The following FBXL17 variants were observed in gnomAD, a reference collection of about 807,000 sequenced individuals.
The protein encoded by FBXL17 is F-box and leucine rich repeat protein 17.
In FBXL17, 22 loss-of-function variants were observed where a neutral mutation model predicts 66.2. The observed-to-expected ratio is 0.33, with a 90% confidence interval of 0.24 to 0.47. The LOEUF (loss-of-function observed/expected upper bound fraction) is 0.47. FBXL17 is among the 20% of genes least tolerant of loss of function. The pLI, the probability that FBXL17 is intolerant of heterozygous loss-of-function variation, is 1.00. For missense variants in FBXL17, 878 were observed against 948.2 expected (o/e 0.93, Z 0.97); for synonymous variants, 474 against 400.5 (o/e 1.18, Z -2.19).
chr5:108,325,916 ACT>A (rs1468474605), intron 4 of FBXL17, among the ~76,000 whole-genome samples: 1 of 152,070 alleles, frequency 6.6e-6, no homozygotes, highest in Non-Finnish European at 1.5e-5. Flanking sequence ...AAACCAAAAG[ACT>A]CTACTCATTC....
Position 108,055,301 on chromosome 5 carries a change from AAAAAAAAAAAAAG to A in FBXL17, c.1746-34313_1746-34301del, listed in dbSNP as rs1561388219. ...TTTAGAAAAAAAAAAAAAAAAAAAAAAAAAAAAAAAAAGAAAAACGCTTCAGGCCGGGCACGGT... is the reference window on the plus strand; with the variant it reads ...TTTAGAAAAAAAAAAAAAAAAAAAAAAAAAACGCTTCAGGCCGGGCACGGT... On this transcript the variant is annotated intron_variant, in intron 6 of 8. Transcript: ENST00000542267. Among the ~76,000 whole-genome samples the A allele has an allele frequency of 3.6e-3, 123 of 34,274 alleles. 3 individuals carry two copies. Among genetic ancestry groups the A allele is most frequent in the African/African-American group, 0.019 (120 of 6,244 alleles). 22.5% of individuals were successfully genotyped at this position (34,274 alleles called of 152,430 possible).
rs138977765 is a variant in FBXL17, at chr5:107,886,217, G to A, written c.1823-5038C>T. 5.3e-3 allele frequency among the ~76,000 whole-genome samples: 808 copies of A among 152,266 alleles called. 28 individuals carry two copies. The highest frequency in any genetic ancestry group is 0.047 in the Admixed American group (721 of 15,290). Reference sequence around the variant, plus strand: ...TAACTACTCTGTGTAATCTAGGATTGTAAATAATGACAGCTAGTGTTTTCA... The same window carrying A: ...TAACTACTCTGTGTAATCTAGGATTATAAATAATGACAGCTAGTGTTTTCA... On this transcript the variant is annotated intron_variant, in intron 7 of 8. Transcript: ENST00000542267.
In FBXL17 at chr5:107,887,847, C is replaced by T. The variant is rs144367661; in HGVS notation, c.1823-6668G>A. ...TAAAAGTTTCTGTGATCCTGATGTG[C>T]AGCTAGGGCTGAGAACCACTGGAAC... On this transcript the variant is annotated intron_variant, in intron 7 of 8. Transcript: ENST00000542267. Among the ~76,000 whole-genome samples, 720 of 152,262 alleles carry T rather than the reference C, an allele frequency of 4.7e-3. 4 individuals are homozygous for T. The highest frequency in any genetic ancestry group is 0.014 in the African/African-American group (602 of 41,556).
chr5:108,174,893 C>T (rs1752736219), intron 6 of FBXL17, among the ~76,000 whole-genome samples: 1 of 151,988 alleles, frequency 6.6e-6, no homozygotes, highest in Non-Finnish European at 1.5e-5. Context: ...GGGCAAAATG[C>T]ACTGATTGAA....
In FBXL17 at chr5:107,959,737, G is replaced by T. The variant is rs982749621; in HGVS notation, c.1822+61188C>A. ...ACAGTTTTCAGGTCTTTTCCAACCT[G>T]GCCTTGATTGACACAGAATAGGGCT... On this transcript the variant is annotated intron_variant, in intron 7 of 8. Transcript: ENST00000542267. Among the ~76,000 whole-genome samples, 5 of 152,124 alleles carry T rather than the reference G, an allele frequency of 3.3e-5. No homozygotes were observed. In the East Asian group the frequency reaches 7.7e-4, roughly 23 times the overall value.
chr5:107,980,664 A>ATATATATATATATATATATATATTTT lies in FBXL17; in HGVS notation c.1822+40260_1822+40261insAAAATATATATATATATATATATATA. Among the ~76,000 whole-genome samples the ATATATATATATATATATATATATTTT allele has an allele frequency of 4.2e-4, 26 of 62,022 alleles. No individual in the cohort carries two copies. In the East Asian group the frequency reaches 4.2e-3, roughly 10 times the overall value. The allele number at this position is 62,022 out of a possible 152,430, so 40.7% of individuals were successfully genotyped here. On this transcript the variant is annotated intron_variant, in intron 7 of 8. Transcript: ENST00000542267. ...TAAAATAATATATATATATATATAT[A>ATATATATATATATATATATATATTTT]TTTTTTTTTTGAGATGGAGTCTTGC... is the stretch of plus-strand genomic sequence containing the variant.
At chr5:108,307,448 T>C (rs753924819) in intron 4 of FBXL17, among the ~76,000 whole-genome samples, 26 of 151,982 alleles carry the variant, frequency 1.7e-4, no homozygotes, top group Non-Finnish European at 3.1e-4. Flanking sequence ...TTGGGACTAC[T>C]GGCATGTGTC....
intron 4 of FBXL17, among the ~76,000 whole-genome samples, chr5:108,255,595 C>T (rs1006403933): frequency 1.3e-5 from 2 of 152,100 alleles, no homozygotes; most frequent in African/African-American, 4.8e-5. Flanking sequence ...TCTCAGGAGT[C>T]CTCTGGGCTT....
At chr5:107,942,556 G>A (rs1376989156) in intron 7 of FBXL17, among the ~76,000 whole-genome samples, 5 of 152,086 alleles carry the variant, frequency 3.3e-5, no homozygotes, top group Admixed American at 2.6e-4. Context: ...TTCCAAGGGA[G>A]AGAACCAGGA....
chr5:108,224,324 T>C (rs1466960400), intron 4 of FBXL17, 96 bp from the exon 5 acceptor site: 1 of 566,996 alleles, frequency 1.8e-6, no homozygotes, highest in Non-Finnish European at 3.2e-6. Context: ...CCTTGCATCA[T>C]TACTATTTCC....
chr5:108,138,935 G>T (rs761768959), intron 6 of FBXL17, among the ~76,000 whole-genome samples: 1 of 152,098 alleles, frequency 6.6e-6, no homozygotes, highest in African/African-American at 2.4e-5. Context: ...ACTAAACTTG[G>T]GTAAGAATTG....
chr5:108,037,983 A>C (rs776198216), intron 6 of FBXL17, among the ~76,000 whole-genome samples: 2 of 152,202 alleles, frequency 1.3e-5, no homozygotes, highest in Non-Finnish European at 2.9e-5. Flanking sequence ...GGAAGGAGGC[A>C]AGCAGCAAAA....
intron 6 of FBXL17, among the ~76,000 whole-genome samples, chr5:108,066,856 A>G (rs1221977853): frequency 6.6e-6 from 1 of 152,034 alleles, no homozygotes; most frequent in East Asian, 1.9e-4. Context: ...TGAATTTCTG[A>G]TGTCTATAAA....
chr5:108,009,130 T>C (rs1418342594), intron 7 of FBXL17, among the ~76,000 whole-genome samples: 1 of 146,346 alleles, frequency 6.8e-6, no homozygotes, highest in Admixed American at 6.9e-5. Flanking sequence ...TTATTTGCCA[T>C]ATGAAAGCAT....
At chr5:108,351,524 C>T (rs1048898596) in intron 3 of FBXL17, among the ~76,000 whole-genome samples, 1 of 152,174 alleles carries the variant, frequency 6.6e-6, no homozygotes, top group African/African-American at 2.4e-5. Context: ...ATACAGGGAG[C>T]AAGCAATCTT....
chr5:107,943,759 T>G (rs973283717), intron 7 of FBXL17, among the ~76,000 whole-genome samples: 15 of 152,182 alleles, frequency 9.9e-5, no homozygotes, highest in African/African-American at 3.6e-4. Context: ...TGAAAGAGAC[T>G]GTACAGTCCA....
chr5:108,001,296 T>C (rs1201279635), intron 7 of FBXL17, among the ~76,000 whole-genome samples: 6 of 152,212 alleles, frequency 3.9e-5, no homozygotes, highest in East Asian at 1.9e-4. Context: ...TGAATGTTTT[T>C]ATGTTTTTAG....
chr5:108,266,842 C>A (rs551241670), intron 4 of FBXL17, among the ~76,000 whole-genome samples: 2 of 152,088 alleles, frequency 1.3e-5, no homozygotes, highest in Non-Finnish European at 1.5e-5. Flanking sequence ...TGGAAGACAA[C>A]AGAAATGTGT....
In FBXL17 at chr5:108,335,302, T is replaced by C. The variant is rs1760327446; in HGVS notation, c.1506+13097A>G. Among the ~76,000 whole-genome samples, 2 of 131,754 alleles carry C rather than the reference T, an allele frequency of 1.5e-5. 1 individual carries two copies. The highest frequency in any genetic ancestry group is 5.2e-4 in the South Asian group (2 of 3,842). 86.4% of individuals were successfully genotyped at this position (131,754 alleles called of 152,430 possible). On this transcript the variant is annotated intron_variant, in intron 4 of 8. Transcript: ENST00000542267. ...TAAGGAGATTTGCCAAAAAGCAGGC[T>C]TAGAGGATAGTATGACTTTTAAGGT...
Sources: gnomAD v4.1 joint callset for allele counts (sites outside exome capture counted in the v4.1 genomes callset) on GRCh38, gnomAD v4.1.1 for gene constraint, MANE v1.5 for transcripts, NCBI Gene and HGNC (gene_info 2026-07-23, HGNC 2026-07-21) for gene names.